The following SCAF4 variants were observed in gnomAD, a reference collection of about 807,000 sequenced individuals.
SCAF4 encodes SR-related and CTD-associated factor 4.
Under a neutral mutation model 129.8 loss-of-function variants are expected in SCAF4, and 25 were observed. The observed-to-expected ratio is 0.19, with a 90% CI of 0.14 to 0.27. SCAF4 has a LOEUF of 0.27. SCAF4 is among the 10% of genes least tolerant of loss of function. The pLI is 1.00. For missense variants in SCAF4, 1,246 were observed against 1,457.1 expected, an observed-to-expected ratio of 0.86 and a Z score of 2.36; for synonymous variants, 551 against 497.7, an observed-to-expected ratio of 1.11 and a Z score of -1.43.
At chr21:31,682,679 A>G (rs535617346) in intron 19 of SCAF4, among the ~76,000 whole-genome samples, 1 of 152,276 alleles carries the variant, frequency 6.6e-6, no homozygotes, top group East Asian at 1.9e-4. Context: ...CAACTTCTAG[A>G]CTTATAGTTT....
chr21:31,704,073 G>A, intron 3 of SCAF4, 147 bp from the exon 4 acceptor site: 1 of 471,128 alleles, frequency 2.1e-6, no homozygotes, highest in South Asian at 4.9e-5. Context: ...TCTCTAAATG[G>A]CTAACTTGTC....
intron 1 of SCAF4, among the ~76,000 whole-genome samples, chr21:31,717,600 T>C (rs1200309566): frequency 6.6e-6 from 1 of 152,102 alleles, no homozygotes; most frequent in Non-Finnish European, 1.5e-5. Context: ...CATTATCACA[T>C]AACTTGTCCA....
At chr21:31,700,891 A>T in intron 7 of SCAF4, 104 bp downstream of exon 7, 2 of 1,255,464 alleles carry the variant, frequency 1.6e-6, no homozygotes, top group Non-Finnish European at 2.3e-6. Context: ...CAAATTACAA[A>T]ACGACATAAT....
At chr21:31,679,043 T>C (rs747692050) in intron 19 of SCAF4, among the ~76,000 whole-genome samples, 1 of 152,198 alleles carries the variant, frequency 6.6e-6, no homozygotes, top group Non-Finnish European at 1.5e-5. Flanking sequence ...AAGGAGAAGA[T>C]ACCTCTCAGG....
At chr21:31,701,750 A>G in intron 6 of SCAF4, 26 bp downstream of exon 6, 1 of 1,587,160 alleles carries the variant, frequency 6.3e-7, no homozygotes, top group East Asian at 2.2e-5. Flanking sequence ...CCTGCAAACA[A>G]TTTCACTTTT....
chr21:31,701,761 G>A lies in SCAF4; in HGVS notation c.600+15C>T. The A allele has an allele frequency of 6.3e-7, 1 of 1,594,930 alleles. No homozygotes were observed. Among genetic ancestry groups the A allele is most frequent in the Non-Finnish European group, 8.5e-7 (1 of 1,174,080 alleles). On this transcript the variant is annotated intron_variant, in intron 6 of 19. Coordinates refer to ENST00000286835, the MANE Select transcript of SCAF4 (RefSeq NM_020706.2). Reference sequence around the variant, plus strand: ...TAGTCCTGCAAACAATTTCACTTTTGAGTAGACAGTTTACCTGTTGGCCTT... The same window carrying A: ...TAGTCCTGCAAACAATTTCACTTTTAAGTAGACAGTTTACCTGTTGGCCTT...
chr21:31,705,801 A>T (rs1168391095), intron 2 of SCAF4, among the ~76,000 whole-genome samples: 1 of 152,238 alleles, frequency 6.6e-6, no homozygotes, highest in Admixed American at 6.5e-5. Context: ...CACATTTTAA[A>T]GTGTGATTTT....
chr21:31,699,308 G>C (rs1225823137), intron 7 of SCAF4, among the ~76,000 whole-genome samples: 1 of 151,988 alleles, frequency 6.6e-6, no homozygotes, highest in East Asian at 1.9e-4. Flanking sequence ...AACCTTACTA[G>C]AATATAGAAA....
rs1262376772 is a variant in SCAF4, at chr21:31,685,317, T to C, written c.2297-77A>G. 16 of 1,491,260 alleles carry C rather than the reference T, an allele frequency of 1.1e-5. No individual in the cohort carries two copies. In the South Asian group the frequency reaches 1.2e-4, roughly 11 times the overall value. The allele number at this position is 1,491,260 out of a possible 1,614,324, so 92.4% of individuals were successfully genotyped here. ...CGGTCAACATTCTTATGCCATACTATAGATCCTATTACCGCTTCACTCTCC... is the reference window on the plus strand; with the variant it reads ...CGGTCAACATTCTTATGCCATACTACAGATCCTATTACCGCTTCACTCTCC... On this transcript the variant is annotated intron_variant, in intron 18 of 19. Coordinates refer to ENST00000286835, the MANE Select transcript of SCAF4 (RefSeq NM_020706.2).
In SCAF4 at chr21:31,706,690, A is replaced by G. The variant is rs2050671598; in HGVS notation, c.31-333T>C. 7 of 283,992 alleles carry G rather than the reference A, an allele frequency of 2.5e-5. 1 individual carries two copies. The South Asian group carries it at 3.8e-4, about 16-fold the overall frequency. 17.6% of individuals were successfully genotyped at this position (283,992 alleles called of 1,614,324 possible). ...GGAAATGAGGCTGAAAAAAGGCAGC[A>G]GAAGTATAAATCCTTAGACAAAGAT... On this transcript the variant is annotated intron_variant, in intron 1 of 19. Coordinates refer to ENST00000286835, the MANE Select transcript of SCAF4 (RefSeq NM_020706.2).
chr21:31,731,517 C>A, intron 1 of SCAF4, 146 bp downstream of exon 1: 1 of 932,440 alleles, frequency 1.1e-6, no homozygotes, highest in Non-Finnish European at 1.6e-6. Flanking sequence ...GGGCCACAGG[C>A]CCCGCTCCGC....
intron 19 of SCAF4, among the ~76,000 whole-genome samples, chr21:31,677,086 C>A (rs931862041): frequency 6.6e-6 from 1 of 152,028 alleles, no homozygotes; most frequent in Admixed American, 6.6e-5. Context: ...CCCTAGTTGG[C>A]TTATCATTTT....
intron 1 of SCAF4, among the ~76,000 whole-genome samples, chr21:31,708,241 T>G (rs945256091): frequency 1.3e-5 from 2 of 152,030 alleles, no homozygotes; most frequent in African/African-American, 4.8e-5. Flanking sequence ...TACAAAATGG[T>G]GGCGGGCACC....
intron 8 of SCAF4, 31 bp downstream of exon 8, chr21:31,696,538 T>A (rs376344597): frequency 5.2e-5 from 80 of 1,551,486 alleles, no homozygotes; most frequent in Non-Finnish European, 6.0e-5. Flanking sequence ...ACCAATTTTC[T>A]ATCTGCTGAG....
At chr21:31,677,002 T>C (rs2049873832) in intron 19 of SCAF4, among the ~76,000 whole-genome samples, 1 of 152,214 alleles carries the variant, frequency 6.6e-6, no homozygotes, top group African/African-American at 2.4e-5. Context: ...TCAAGGTTCA[T>C]CCATGTTGCA....
At chr21:31,730,254 T>C (rs1259015263) in intron 1 of SCAF4, among the ~76,000 whole-genome samples, 1 of 152,198 alleles carries the variant, frequency 6.6e-6, no homozygotes, top group South Asian at 2.1e-4. Flanking sequence ...CCTGAAATGT[T>C]TGGAGCATTA....
At chr21:31,681,447 A>G (rs1461357970) in intron 19 of SCAF4, among the ~76,000 whole-genome samples, 2 of 152,240 alleles carry the variant, frequency 1.3e-5, no homozygotes, top group African/African-American at 2.4e-5. Context: ...TAATAAAAAT[A>G]GGTTGTACAT....
rs752631773 is a variant in SCAF4 at position 31,701,154 on chromosome 21, C to A, written c.618G>T (p.Gln206His). ...GTGGTTTTGGAGGCTGTTGAAAAGT[C>A]TGAAGGATCTGCTGAAGCTTAAAGA... Reference protein sequence around the residue: ...TQGQQLQQILQTFQQPPKPQS... With the variant: ...TQGQQLQQILHTFQQPPKPQS... Residue 206 changes from glutamine to histidine, a missense_variant, in exon 7 of 20, where the codon CAG (glutamine) becomes CAT (histidine). Gln to His is a conservative substitution (Grantham distance 24). Coordinates refer to ENST00000286835, the MANE Select transcript of SCAF4 (RefSeq NM_020706.2). 6.3e-7 allele frequency: 1 copy of A among 1,586,434 alleles called. No individual in the cohort carries two copies. Among genetic ancestry groups the A allele is most frequent in the African/African-American group, 1.4e-5 (1 of 73,616 alleles).
chr21:31,726,960 G>A (rs1265259321), intron 1 of SCAF4, among the ~76,000 whole-genome samples: 1 of 152,112 alleles, frequency 6.6e-6, no homozygotes, highest in Non-Finnish European at 1.5e-5. Context: ...AGTGGGAGGA[G>A]GGTTGGGGTT....
Sources: gnomAD v4.1 joint callset for allele counts (sites outside exome capture counted in the v4.1 genomes callset) on GRCh38, gnomAD v4.1.1 for gene constraint, MANE v1.5 for transcripts, NCBI Gene and HGNC (gene_info 2026-07-23, HGNC 2026-07-21) for gene names.